The following UNC13C variants were observed in gnomAD, a reference collection of about 807,000 sequenced individuals.
UNC13C encodes protein unc-13 homolog C.
In UNC13C, 174 loss-of-function variants were observed where a neutral mutation model predicts 245.4. The ratio of observed to expected loss-of-function variants is 0.71; its 90% CI spans 0.63 to 0.80. The LOEUF is 0.80. Among genes scored for constraint, UNC13C ranks in the 30% least tolerant of loss-of-function variants. The probability of loss-of-function intolerance (pLI) is 0.00; values close to 1 mark genes in which losing one functional copy is unlikely to be tolerated. For synonymous variants in UNC13C, 992 were observed against 895.1 expected (o/e 1.11, Z -1.93); for missense variants, 2,829 against 2,602.9 (o/e 1.09, Z -1.89).
chr15:53,980,557 G>A (rs552363237), intron 1 of UNC13C, among the ~76,000 whole-genome samples: 1 of 152,200 alleles, frequency 6.6e-6, no homozygotes, highest in Non-Finnish European at 1.5e-5. Flanking sequence ...TTACAAAATT[G>A]TATTTTCAAA....
At chr15:54,052,507 G>A (rs1897315938) in intron 2 of UNC13C, among the ~76,000 whole-genome samples, 1 of 152,114 alleles carries the variant, frequency 6.6e-6, no homozygotes, top group Non-Finnish European at 1.5e-5. Flanking sequence ...TTTCTCTGAT[G>A]GCCAGACTTT....
At chr15:54,590,394 C>G (rs1354610641) in intron 30 of UNC13C, among the ~76,000 whole-genome samples, 1 of 152,176 alleles carries the variant, frequency 6.6e-6, no homozygotes, top group Non-Finnish European at 1.5e-5. Context: ...CTCATTTTCA[C>G]AAAATTGATT....
At chr15:54,355,024 G>A (rs1253855317) in intron 17 of UNC13C, among the ~76,000 whole-genome samples, 1 of 151,956 alleles carries the variant, frequency 6.6e-6, no homozygotes, top group African/African-American at 2.4e-5. Flanking sequence ...AGGAAGAAAG[G>A]CCTGAACTAT....
intron 19 of UNC13C, among the ~76,000 whole-genome samples, chr15:54,462,775 G>A (rs914450648): frequency 1.3e-5 from 2 of 152,326 alleles, no homozygotes; most frequent in African/African-American, 2.4e-5. Context: ...CCTCCCTGAC[G>A]GGCGCCACCC....
chr15:54,134,944 A>T (rs2031654998), intron 2 of UNC13C, among the ~76,000 whole-genome samples: 1 of 152,170 alleles, frequency 6.6e-6, no homozygotes, highest in Non-Finnish European at 1.5e-5. Context: ...ATCAATGTAC[A>T]AGAGTTCCTT....
rs2037825792 is a variant in UNC13C at position 54,309,981 on chromosome 15, C to T, written c.4268+9608C>T. Among the ~76,000 whole-genome samples the T allele has an allele frequency of 2.6e-5, 4 of 151,888 alleles. No individual in the cohort carries two copies. In the South Asian group the frequency reaches 8.3e-4, roughly 32 times the overall value. On this transcript the variant is annotated intron_variant, in intron 13 of 32. Coordinates refer to ENST00000260323, the MANE Select transcript of UNC13C (RefSeq NM_001080534.3). The stretch of plus-strand genomic sequence containing the variant: ...TGTTGAATTCTTCTGACACTAGCAC[C>T]ATTTACTTGCAAAAGTAAAGTCAAA...
At chr15:54,059,321 C>T (rs909263879) in intron 2 of UNC13C, among the ~76,000 whole-genome samples, 22 of 152,078 alleles carry the variant, frequency 1.4e-4, no homozygotes, top group African/African-American at 5.3e-4. Context: ...ACACCAATAA[C>T]AGACAAACAG....
At chr15:54,290,574 CT>C (rs1181715868) in intron 10 of UNC13C, among the ~76,000 whole-genome samples, 1 of 152,034 alleles carries the variant, frequency 6.6e-6, no homozygotes, top group East Asian at 1.9e-4. Context: ...AATATTGTCT[CT>C]CCCTCCTTTT....
chr15:54,202,950 G>C (rs1193165978), intron 4 of UNC13C, among the ~76,000 whole-genome samples: 1 of 151,700 alleles, frequency 6.6e-6, no homozygotes, highest in Non-Finnish European at 1.5e-5. Context: ...GAGTTTACAG[G>C]AACTCGAACA....
intron 29 of UNC13C, 116 bp from the exon 30 acceptor site, chr15:54,567,684 T>A: frequency 1.0e-6 from 1 of 953,830 alleles, no homozygotes; most frequent in Non-Finnish European, 1.5e-6. Context: ...ACCATTTTTT[T>A]GTATCTTGCA....
chr15:54,415,147 G>C, intron 19 of UNC13C, 80 bp downstream of exon 19: 1 of 1,015,694 alleles, frequency 9.8e-7, no homozygotes, highest in Non-Finnish European at 1.4e-6. Flanking sequence ...TAAATGTTGA[G>C]AATTGAAACA....
chr15:54,100,451 C>G (rs2141154354), intron 2 of UNC13C, among the ~76,000 whole-genome samples: 1 of 152,310 alleles, frequency 6.6e-6, no homozygotes, highest in Non-Finnish European at 1.5e-5. Flanking sequence ...GTGTCTCCAA[C>G]TCCTGCATAC....
At chr15:54,132,177 T>C (rs1567038159) in intron 2 of UNC13C, among the ~76,000 whole-genome samples, 1 of 150,974 alleles carries the variant, frequency 6.6e-6, no homozygotes, top group African/African-American at 2.4e-5. Context: ...CTTATGCCGT[T>C]CTCCTCCCTC....
intron 7 of UNC13C, among the ~76,000 whole-genome samples, chr15:54,245,417 T>C (rs1382553127): frequency 6.6e-6 from 1 of 152,140 alleles, no homozygotes; most frequent in Non-Finnish European, 1.5e-5. Context: ...TTATATCTGT[T>C]ATAAAGCAAT....
the UNC13C span, among the ~76,000 whole-genome samples, chr15:53,876,384 G>A: frequency 2.0e-5 from 3 of 152,132 alleles, no homozygotes; most frequent in Non-Finnish European, 2.9e-5. Context: ...ATGGAGGCTC[G>A]AAGGATTGAC....
In UNC13C at chr15:54,014,507, G is replaced by A; in HGVS notation, c.1604G>A (p.Trp535Ter). The A allele has an allele frequency of 1.2e-6, 2 of 1,613,754 alleles. No homozygotes were observed. The highest frequency in any genetic ancestry group is 1.7e-6 in the Non-Finnish European group (2 of 1,179,816). Residue 535 changes from tryptophan to a stop codon, truncating the protein, a stop_gained, in exon 2 of 33, where the codon TGG becomes TAG. Coordinates refer to ENST00000260323, the MANE Select transcript of UNC13C (RefSeq NM_001080534.3). LOFTEE classifies it high-confidence loss of function. ...TTHYADATPL[W>*]HSQSDFFTAK... The stretch of plus-strand genomic sequence containing the variant: ...CATTATGCAGATGCAACACCTCTCT[G>A]GCACTCACAGAGTGATTTTTTCACT...
At chr15:54,090,830 A>G (rs1433553541) in intron 2 of UNC13C, among the ~76,000 whole-genome samples, 5 of 152,128 alleles carry the variant, frequency 3.3e-5, no homozygotes, top group Non-Finnish European at 5.9e-5. Context: ...CAGGTGCATC[A>G]GTTCTGGGAA....
intron 2 of UNC13C, among the ~76,000 whole-genome samples, chr15:54,105,407 T>G (rs940054544): frequency 5.9e-5 from 9 of 152,194 alleles, no homozygotes; most frequent in Non-Finnish European, 1.3e-4. Context: ...GTTCTTCTGA[T>G]AAGAATAAAT....
Position 54,627,270 on chromosome 15 carries a change from C to A in UNC13C, c.*157C>A. On this transcript the variant is annotated 3_prime_UTR_variant, in exon 33 of 33. Coordinates refer to ENST00000260323, the MANE Select transcript of UNC13C (RefSeq NM_001080534.3). Reference sequence around the variant, plus strand: ...TAAAAAACCTGCTGAACTTTTATACCAATTCTGGTCTTTGGGAAATCAGTG... The same window carrying A: ...TAAAAAACCTGCTGAACTTTTATACAAATTCTGGTCTTTGGGAAATCAGTG... 2.9e-6 allele frequency: 2 copies of A among 699,370 alleles called. No homozygotes were observed. The highest frequency in any genetic ancestry group is 4.3e-6 in the Non-Finnish European group (2 of 462,944). The allele number at this position is 699,370 out of a possible 1,614,324, so 43.3% of individuals were successfully genotyped here.
Sources: allele counts gnomAD v4.1 joint callset (sites outside exome capture counted in the v4.1 genomes callset), GRCh38; gene constraint gnomAD v4.1.1; transcripts MANE v1.5; gene names NCBI Gene and HGNC (gene_info 2026-07-23, HGNC 2026-07-21).